Variants in RDX observed in about 807,000 individuals in gnomAD.
RDX encodes the protein radixin.
RDX carries 32 observed loss-of-function variants against 83.7 expected under a neutral mutation model. The ratio of observed to expected loss-of-function variants is 0.38; its 90% CI spans 0.29 to 0.51. The LOEUF (loss-of-function observed/expected upper bound fraction) is 0.51, where lower values mean the gene tolerates loss of function less well. Ranked by LOEUF, RDX falls within the 20% of genes least tolerant of loss-of-function variation. The probability of loss-of-function intolerance (pLI) is 0.87; values close to 1 mark genes in which losing one functional copy is unlikely to be tolerated. For synonymous variants in RDX, 229 were observed against 222.7 expected (o/e 1.03, Z -0.25); for missense variants, 600 against 689.9 (o/e 0.87, Z 1.46).
intron 15 of RDX, among the ~76,000 whole-genome samples, chr11:110,196,605 T>A (rs1814858400): frequency 6.6e-6 from 1 of 152,204 alleles, no homozygotes; most frequent in South Asian, 2.1e-4. Flanking sequence ...AGGGCGTGTG[T>A]GCTTAGGGAA....
intron 2 of RDX, among the ~76,000 whole-genome samples, chr11:110,274,277 CTGT>C (rs1434672793): frequency 1.3e-5 from 2 of 152,150 alleles, no homozygotes; most frequent in Admixed American, 1.3e-4. Context: ...GCATATACCA[CTGT>C]TATTTGTTCT....
intron 10 of RDX, among the ~76,000 whole-genome samples, chr11:110,239,924 C>G (rs993960114): frequency 6.6e-6 from 1 of 150,960 alleles, no homozygotes; most frequent in African/African-American, 2.4e-5. Flanking sequence ...GGTGGGAATG[C>G]AAATTAGTAA....
intron 14 of RDX, among the ~76,000 whole-genome samples, chr11:110,221,969 T>C (rs1251119483): frequency 6.6e-6 from 1 of 152,000 alleles, no homozygotes. Context: ...CAAACAGCAA[T>C]TGCTCTGAAA....
intron 5 of RDX, among the ~76,000 whole-genome samples, chr11:110,262,743 GATT>G (rs1046212111): frequency 9.2e-5 from 14 of 152,154 alleles, no homozygotes; most frequent in Admixed American, 2.0e-4. Flanking sequence ...GCCAGAGAAG[GATT>G]ATTATCCCCA....
chr11:110,266,778 G>T (rs1055842785), intron 3 of RDX, among the ~76,000 whole-genome samples: 2 of 152,002 alleles, frequency 1.3e-5, no homozygotes, highest in African/African-American at 4.8e-5. Context: ...GTAGAGGCAG[G>T]GGTCTTGCTA....
chr11:110,256,372 G>A (rs1176481480), intron 7 of RDX, among the ~76,000 whole-genome samples: 1 of 152,166 alleles, frequency 6.6e-6, no homozygotes, highest in Non-Finnish European at 1.5e-5. Flanking sequence ...ATAAGTCAAA[G>A]TAACATGCTT....
chr11:110,227,868 T>C (rs138691060), downstream of RDX, among the ~76,000 whole-genome samples: 124 of 152,260 alleles, frequency 8.1e-4, no homozygotes, highest in Non-Finnish European at 1.4e-3. Context: ...AGATCTTTCA[T>C]GTAAAAATTG....
At chr11:110,227,350 C>A (rs1864468331), downstream of RDX, among the ~76,000 whole-genome samples, 1 of 152,038 alleles carries the variant, frequency 6.6e-6, no homozygotes, top group South Asian at 2.1e-4. Flanking sequence ...TTTGGCTATA[C>A]TGATTTAGTA....
At chr11:110,226,961 T>C (rs559071394), downstream of RDX, among the ~76,000 whole-genome samples, 10 of 152,312 alleles carry the variant, frequency 6.6e-5, no homozygotes, top group South Asian at 2.1e-3. Flanking sequence ...TTGTGTAAGT[T>C]TCCTTCATCT....
chr11:110,210,775 G>A (rs980084028), intron 14 of RDX, among the ~76,000 whole-genome samples: 17 of 151,818 alleles, frequency 1.1e-4, no homozygotes, highest in South Asian at 4.2e-4. Context: ...AATACTTTAC[G>A]GACAAGCAAA....
intron 13 of RDX, among the ~76,000 whole-genome samples, 178 bp from the exon 14 acceptor site, chr11:110,232,211 T>C (rs768100883): frequency 1.3e-5 from 2 of 152,210 alleles, no homozygotes; most frequent in East Asian, 1.9e-4. Flanking sequence ...GGAATACACA[T>C]GGCCTTTCCA....
intron 14 of RDX, among the ~76,000 whole-genome samples, chr11:110,220,806 T>C (rs1481592367): frequency 6.6e-6 from 1 of 150,832 alleles, no homozygotes; most frequent in African/African-American, 2.4e-5. Context: ...CCCCAGAGAT[T>C]CTCTTAATGC....
intron 15 of RDX, among the ~76,000 whole-genome samples, chr11:110,181,142 G>A (rs28668919): frequency 1.0e-3 from 152 of 148,594 alleles, no homozygotes; most frequent in African/African-American, 3.5e-3. Context: ...ACACACACAC[G>A]CACACCAGCT....
chr11:110,282,531 A>G lies in RDX; in HGVS notation c.-64-2775T>C, dbSNP rs7110637. ...GACTCTAATTATAGTACAATTTATA[A>G]AAGTATATGTAAAACTGAGAGTTTA... On this transcript the variant is annotated intron_variant, in intron 1 of 13. Transcript: ENST00000645495. Among the ~76,000 whole-genome samples the G allele has an allele frequency of 7.6e-3, 1,153 of 152,370 alleles. 22 individuals are homozygous for G. The highest frequency in any genetic ancestry group is 0.026 in the African/African-American group (1,091 of 41,580).
At chr11:110,215,036 CAAAA>C (rs1195888196) in intron 14 of RDX, among the ~76,000 whole-genome samples, 1,720 of 125,742 alleles carry the variant, frequency 0.014, 23 homozygotes, top group East Asian at 0.037. Flanking sequence ...GGAGACCTAA[CAAAA>C]AAAAAAAAAA....
chr11:110,181,245 C>T (rs1185684164), intron 15 of RDX, among the ~76,000 whole-genome samples: 1 of 151,886 alleles, frequency 6.6e-6, no homozygotes, highest in Non-Finnish European at 1.5e-5. Context: ...TCACTACAAC[C>T]TCCGCCTCCC....
At chr11:110,244,906 C>T (rs1027998809) in intron 10 of RDX, among the ~76,000 whole-genome samples, 3 of 151,136 alleles carry the variant, frequency 2.0e-5, no homozygotes, top group East Asian at 1.9e-4. Flanking sequence ...AAATTCACTT[C>T]GTAAAAATTG....
chr11:110,206,674 T>C (rs1171323725), intron 14 of RDX, among the ~76,000 whole-genome samples: 1 of 152,200 alleles, frequency 6.6e-6, no homozygotes, highest in Non-Finnish European at 1.5e-5. Context: ...AATACTGTTA[T>C]AAATGAATCT....
At chr11:110,222,229 C>T (rs536043065) in intron 14 of RDX, among the ~76,000 whole-genome samples, 47 of 152,284 alleles carry the variant, frequency 3.1e-4, no homozygotes, top group African/African-American at 1.1e-3. Flanking sequence ...GACATACTTA[C>T]TCGCACAGTC....
Sources: gnomAD v4.1 joint callset for allele counts (sites outside exome capture counted in the v4.1 genomes callset) on GRCh38, gnomAD v4.1.1 for gene constraint, MANE v1.5 for transcripts, NCBI Gene and HGNC (gene_info 2026-07-23, HGNC 2026-07-21) for gene names.